The following WWOX variants were observed in gnomAD, a reference collection of about 807,000 sequenced individuals.
WWOX encodes the protein WW domain containing oxidoreductase.
A neutral mutation model predicts 46.2 loss-of-function variants in WWOX; 69 were observed. The observed-to-expected ratio is 1.49, with a 90% CI of 1.23 to 1.82. The LOEUF (loss-of-function observed/expected upper bound fraction) is 1.82, where lower values mean the gene tolerates loss of function less well. WWOX is among the 40% of genes most tolerant of loss of function. The pLI is 0.00. For synonymous variants in WWOX, 359 were observed against 202.6 expected (o/e 1.77, Z -6.56); for missense variants, 919 against 542.6 (o/e 1.69, Z -6.89).
At chr16:78,872,186 C>T (rs2044143479) in intron 8 of WWOX, among the ~76,000 whole-genome samples, 1 of 152,146 alleles carries the variant, frequency 6.6e-6, no homozygotes, top group Non-Finnish European at 1.5e-5. Context: ...ACAGTGCAAC[C>T]CATAGAACCA....
intron 5 of WWOX, among the ~76,000 whole-genome samples, chr16:78,383,745 T>C (rs1165432831): frequency 6.6e-6 from 1 of 152,168 alleles, no homozygotes; most frequent in Non-Finnish European, 1.5e-5. Flanking sequence ...TTTCTCTCCA[T>C]TTCTCAGGAT....
intron 5 of WWOX, among the ~76,000 whole-genome samples, chr16:78,297,073 G>A (rs995392598): frequency 6.6e-6 from 1 of 152,148 alleles, no homozygotes; most frequent in Non-Finnish European, 1.5e-5. Context: ...TTGGAAAAGA[G>A]CACAAGTTTC....
chr16:78,334,347 G>C (rs951033486), intron 5 of WWOX, among the ~76,000 whole-genome samples: 1 of 152,052 alleles, frequency 6.6e-6, no homozygotes, highest in Non-Finnish European at 1.5e-5. Flanking sequence ...CAAGCAAAAA[G>C]TCCCCAAAGT....
At chr16:78,166,820 G>A (rs1301183070) in intron 5 of WWOX, 1 of 152,212 alleles carries the variant, frequency 6.6e-6, no homozygotes, top group Non-Finnish European at 1.5e-5. Flanking sequence ...GCCTCCCAAA[G>A]TGCTGGGATT....
chr16:78,836,899 T>C (rs1182520856), intron 8 of WWOX, among the ~76,000 whole-genome samples: 2 of 152,168 alleles, frequency 1.3e-5, no homozygotes, highest in African/African-American at 4.8e-5. Context: ...GAAGAAGTTT[T>C]TTCTTTTTTC....
At position 78,241,497 on chromosome 16, in the gene WWOX, C is replaced by T. The variant is rs143467845; in HGVS notation, c.516+77208C>T. Reference sequence around the variant, plus strand: ...AGGCTGGAGTGCAGTGGCGCCATCTCGGCTCACTGCAGACTCTTCCTCTTG... The same window carrying T: ...AGGCTGGAGTGCAGTGGCGCCATCTTGGCTCACTGCAGACTCTTCCTCTTG... On this transcript the variant is annotated intron_variant, in intron 5 of 8. Transcript: ENST00000566780. Among the ~76,000 whole-genome samples, 205 of 152,150 alleles carry T rather than the reference C, an allele frequency of 1.3e-3. No individual in the cohort carries two copies. The Middle Eastern group carries it at 0.014, about 10-fold the overall frequency.
intron 8 of WWOX, among the ~76,000 whole-genome samples, chr16:78,987,875 G>A (rs2046811656): frequency 6.6e-6 from 1 of 152,150 alleles, no homozygotes; most frequent in Non-Finnish European, 1.5e-5. Flanking sequence ...GGGCTTTGCT[G>A]CTTACAACAT....
chr16:78,884,051 G>C (rs759792333), intron 8 of WWOX, among the ~76,000 whole-genome samples: 1 of 152,056 alleles, frequency 6.6e-6, no homozygotes, highest in Admixed American at 6.5e-5. Flanking sequence ...GGCCGAGGCA[G>C]GCAGATTGCT....
intron 5 of WWOX, among the ~76,000 whole-genome samples, chr16:78,227,707 T>C (rs1221163943): frequency 6.6e-6 from 1 of 152,032 alleles, no homozygotes; most frequent in Non-Finnish European, 1.5e-5. Context: ...TGAAACCCTG[T>C]CTCTACTAAA....
chr16:78,842,309 C>T (rs1448655869), intron 8 of WWOX, among the ~76,000 whole-genome samples: 2 of 136,266 alleles, frequency 1.5e-5, no homozygotes, highest in Non-Finnish European at 3.1e-5. Flanking sequence ...GTCTGGGCAA[C>T]ATAGGCAGAC....
At chr16:78,975,704 G>C (rs1203335228) in intron 8 of WWOX, among the ~76,000 whole-genome samples, 1 of 152,146 alleles carries the variant, frequency 6.6e-6, no homozygotes, top group Non-Finnish European at 1.5e-5. Flanking sequence ...ACACCGCTCA[G>C]AGAAGGGTTT....
intron 8 of WWOX, among the ~76,000 whole-genome samples, chr16:79,006,743 C>T (rs1018950525): frequency 3.3e-5 from 5 of 152,068 alleles, no homozygotes; most frequent in Non-Finnish European, 5.9e-5. Flanking sequence ...TTGCGTCTTC[C>T]GTTTCTTAGA....
chr16:78,720,744 C>G (rs1172173597), intron 8 of WWOX, among the ~76,000 whole-genome samples: 1 of 152,116 alleles, frequency 6.6e-6, no homozygotes. Context: ...CTCTGCTTGT[C>G]TCTTCTAGAA....
At chr16:79,198,664 C>G (rs1365185172) in intron 8 of WWOX, among the ~76,000 whole-genome samples, 2 of 152,200 alleles carry the variant, frequency 1.3e-5, no homozygotes, top group African/African-American at 2.4e-5. Flanking sequence ...GACACAGGTC[C>G]AAATTTCCCC....
At chr16:78,720,884 G>A (rs1337971650) in intron 8 of WWOX, among the ~76,000 whole-genome samples, 1 of 152,028 alleles carries the variant, frequency 6.6e-6, no homozygotes, top group Non-Finnish European at 1.5e-5. Flanking sequence ...AATTAATTTG[G>A]TCCTAACTAA....
intron 8 of WWOX, among the ~76,000 whole-genome samples, chr16:78,582,592 T>G (rs1284007249): frequency 2.0e-5 from 3 of 152,224 alleles, no homozygotes; most frequent in Admixed American, 6.5e-5. Flanking sequence ...CAATGACACC[T>G]TTACAAAACT....
intron 5 of WWOX, among the ~76,000 whole-genome samples, chr16:78,251,116 A>T (rs892636250): frequency 6.6e-6 from 1 of 152,224 alleles, no homozygotes; most frequent in Admixed American, 6.5e-5. Flanking sequence ...AGAGATGGCA[A>T]CCGAGGCAGC....
chr16:78,744,303 C>T (rs1022891270), intron 8 of WWOX, among the ~76,000 whole-genome samples: 1 of 151,680 alleles, frequency 6.6e-6, no homozygotes, highest in South Asian at 2.1e-4. Flanking sequence ...AGGTGTGTCT[C>T]AGAAGGTACA....
intron 8 of WWOX, among the ~76,000 whole-genome samples, chr16:78,673,159 A>G (rs139245849): frequency 6.6e-6 from 1 of 152,188 alleles, no homozygotes; most frequent in East Asian, 1.9e-4. Context: ...CCTCATTCTC[A>G]TTCACGGGAG....
Sources: gnomAD v4.1 joint callset for allele counts (sites outside exome capture counted in the v4.1 genomes callset) on GRCh38, gnomAD v4.1.1 for gene constraint, MANE v1.5 for transcripts, NCBI Gene and HGNC (gene_info 2026-07-23, HGNC 2026-07-21) for gene names.